Variants in FAM114A2 observed in about 807,000 individuals in gnomAD.
FAM114A2 encodes the protein family with sequence similarity 114 member A2.
Under a neutral mutation model 58.4 loss-of-function variants are expected in FAM114A2, and 53 were observed. The observed-to-expected ratio is 0.91, with a 90% confidence interval of 0.73 to 1.14. FAM114A2 has a LOEUF of 1.14. FAM114A2 is among the 50% of genes most tolerant of loss of function. FAM114A2 has a pLI of 0.00. For synonymous variants in FAM114A2, 228 were observed against 211.4 expected (o/e 1.08, Z -0.68); for missense variants, 601 against 581.1 (o/e 1.03, Z -0.35).
chr5:154,003,225 C>CTGGA (rs1406788980), intron 9 of FAM114A2, among the ~76,000 whole-genome samples: 1 of 149,324 alleles, frequency 6.7e-6, no homozygotes, highest in Non-Finnish European at 1.5e-5. Context: ...GTTGCCCAGG[C>CTGGA]TGGAGTGCAA....
chr5:154,013,611 G>T (rs1770838875), intron 8 of FAM114A2, among the ~76,000 whole-genome samples: 1 of 152,112 alleles, frequency 6.6e-6, no homozygotes, highest in Admixed American at 6.5e-5. Context: ...GGAGTTCTCT[G>T]AATGGTATTT....
At chr5:154,029,627 C>T in intron 4 of FAM114A2, 47 bp from the exon 5 acceptor site, 1 of 1,056,666 alleles carries the variant, frequency 9.5e-7, no homozygotes. Flanking sequence ...GGTCCCTTAA[C>T]TCTCAGGCTT....
intron 4 of FAM114A2, among the ~76,000 whole-genome samples, chr5:154,030,497 G>A (rs947226801): frequency 2.6e-5 from 4 of 152,168 alleles, no homozygotes; most frequent in African/African-American, 4.8e-5. Context: ...ACAAGACTTC[G>A]GTTCACACAA....
chr5:154,004,050 T>C (rs1276826371), intron 9 of FAM114A2, among the ~76,000 whole-genome samples: 3 of 152,182 alleles, frequency 2.0e-5, no homozygotes, highest in African/African-American at 2.4e-5. Context: ...TTAAACGATA[T>C]AGCCTAGGTG....
At chr5:154,029,667 T>C (rs868380593) in intron 4 of FAM114A2, 87 bp from the exon 5 acceptor site, 1 of 686,580 alleles carries the variant, frequency 1.5e-6, no homozygotes, top group South Asian at 1.7e-5. Flanking sequence ...TTTTTAAAAC[T>C]AGACCCTGCT....
At chr5:154,034,100 G>A (rs1335712858) in intron 3 of FAM114A2, among the ~76,000 whole-genome samples, 178 bp downstream of exon 3, 1 of 152,072 alleles carries the variant, frequency 6.6e-6, no homozygotes, top group African/African-American at 2.4e-5. Flanking sequence ...TTCTAATGAG[G>A]AAATGCTACA....
chr5:154,002,211 T>C (rs1456756422), intron 11 of FAM114A2, 40 bp downstream of exon 11: 2 of 1,593,136 alleles, frequency 1.3e-6, no homozygotes, highest in African/African-American at 2.7e-5. Context: ...AGAAAACTCC[T>C]GCAATTTGCA....
At chr5:154,034,456 G>T (rs892509187) in intron 2 of FAM114A2, 79 bp from the exon 3 acceptor site, 17 of 856,896 alleles carry the variant, frequency 2.0e-5, no homozygotes, top group South Asian at 5.3e-5. Flanking sequence ...TACAGACAAG[G>T]TATCTAATTA....
At chr5:153,994,385 G>A (rs1769429332) in intron 13 of FAM114A2, among the ~76,000 whole-genome samples, 1 of 152,096 alleles carries the variant, frequency 6.6e-6, no homozygotes, top group South Asian at 2.1e-4. Context: ...CATCACATAG[G>A]GAGGTAATAT....
intron 12 of FAM114A2, 141 bp from the exon 13 acceptor site, chr5:153,995,113 G>A (rs1769473248): frequency 1.7e-6 from 1 of 593,692 alleles, no homozygotes; most frequent in Non-Finnish European, 3.1e-6. Flanking sequence ...AGAGCAAAAT[G>A]TCATCTTTAG....
At chr5:154,013,506 A>G (rs1448884917) in intron 8 of FAM114A2, among the ~76,000 whole-genome samples, 1 of 152,176 alleles carries the variant, frequency 6.6e-6, no homozygotes, top group African/African-American at 2.4e-5. Context: ...TGGTGGGGGG[A>G]ATCCAGTGCT....
intron 8 of FAM114A2, among the ~76,000 whole-genome samples, chr5:154,012,581 A>C (rs900785720): frequency 6.6e-6 from 1 of 152,210 alleles, no homozygotes; most frequent in South Asian, 2.1e-4. Flanking sequence ...CAGGAATAAA[A>C]CAGTGTATCT....
intron 12 of FAM114A2, among the ~76,000 whole-genome samples, chr5:153,997,245 C>T (rs929928288): frequency 1.3e-5 from 2 of 152,074 alleles, no homozygotes; most frequent in Admixed American, 1.3e-4. Context: ...CCAGCAATTC[C>T]ACTCCTAGCT....
At chr5:154,030,868 AC>A (rs1440281561) in intron 4 of FAM114A2, among the ~76,000 whole-genome samples, 1 of 152,184 alleles carries the variant, frequency 6.6e-6, no homozygotes, top group African/African-American at 2.4e-5. Flanking sequence ...AGGCTGAGAG[AC>A]ATTTGACCTC....
At chr5:154,004,313 ACT>A (rs995709003) in intron 9 of FAM114A2, among the ~76,000 whole-genome samples, 4 of 152,042 alleles carry the variant, frequency 2.6e-5, no homozygotes, top group Non-Finnish European at 5.9e-5. Context: ...ATTGATCCTA[ACT>A]GGCCAGTCTC....
At chr5:154,015,288 G>C (rs1207415295) in intron 8 of FAM114A2, among the ~76,000 whole-genome samples, 1 of 152,146 alleles carries the variant, frequency 6.6e-6, no homozygotes, top group African/African-American at 2.4e-5. Context: ...ATGCTTTCTT[G>C]AAAGTGCCAC....
chr5:154,035,859 C>T (rs1772522993), intron 1 of FAM114A2, among the ~76,000 whole-genome samples: 1 of 152,114 alleles, frequency 6.6e-6, no homozygotes, highest in African/African-American at 2.4e-5. Flanking sequence ...TGACATTGTC[C>T]CTATTTTTTA....
intron 8 of FAM114A2, among the ~76,000 whole-genome samples, chr5:154,025,129 C>A (rs1395813516): frequency 1.3e-5 from 2 of 152,082 alleles, no homozygotes; most frequent in Non-Finnish European, 2.9e-5. Context: ...GCACATAGTT[C>A]AGCTCACAAC....
At chr5:153,996,679 T>C (rs1336954510) in intron 12 of FAM114A2, among the ~76,000 whole-genome samples, 3 of 151,494 alleles carry the variant, frequency 2.0e-5, no homozygotes, top group African/African-American at 7.3e-5. Context: ...GCCAGACAAA[T>C]AGCCAACCAG....
Sources: allele counts gnomAD v4.1 joint callset (sites outside exome capture counted in the v4.1 genomes callset), GRCh38; gene constraint gnomAD v4.1.1; transcripts MANE v1.5; gene names NCBI Gene and HGNC (gene_info 2026-07-23, HGNC 2026-07-21).